DMXL2: variants seen among roughly 807,000 people sequenced by gnomAD.
DMXL2 encodes the protein Dmx like 2.
Under a neutral mutation model 331.1 loss-of-function variants are expected in DMXL2, and 103 were observed. That is an observed-to-expected ratio of 0.31 (90% CI 0.27 to 0.37). The LOEUF is 0.37. Among genes scored for constraint, DMXL2 ranks in the 10% least tolerant of loss-of-function variants. The pLI is 1.00. For synonymous variants in DMXL2, 1,281 were observed against 1,252.1 expected (o/e 1.02, Z -0.49); for missense variants, 3,171 against 3,642.9 (o/e 0.87, Z 3.33).
Position 51,448,849 on chromosome 15 carries a change from C to A in DMXL2, c.*135G>T, listed in dbSNP as rs1273745789. On this transcript the variant is annotated 3_prime_UTR_variant, in exon 44 of 44. Transcript: ENST00000560891. ...ATTCCACCAACCTGTTTAGATAATA[C>A]TCAGCTTGGGTCATATTCAAATTCT... The A allele has an allele frequency of 3.5e-6, 3 of 861,796 alleles. No individual in the cohort carries two copies. The highest frequency in any genetic ancestry group is 5.4e-6 in the Non-Finnish European group (3 of 559,058). 53.4% of individuals were successfully genotyped at this position (861,796 alleles called of 1,614,324 possible). A position where few individuals can be genotyped will look rare whatever the true frequency, so the allele number is the denominator to read the frequency against.
At chr15:51,532,479 T>C (rs2048058664) in intron 13 of DMXL2, among the ~76,000 whole-genome samples, 2 of 152,128 alleles carry the variant, frequency 1.3e-5, no homozygotes, top group East Asian at 3.8e-4. Context: ...CACAACAGGG[T>C]GACTATAGTC....
chr15:51,590,451 TG>T (rs2052208624), intron 1 of DMXL2, among the ~76,000 whole-genome samples: 1 of 152,260 alleles, frequency 6.6e-6, no homozygotes, highest in South Asian at 2.1e-4. Flanking sequence ...GAGGCTCAGC[TG>T]TACTACAACT....
At chr15:51,465,007 A>T in intron 31 of DMXL2, 131 bp from the exon 32 acceptor site, 1 of 829,174 alleles carries the variant, frequency 1.2e-6, no homozygotes, top group Non-Finnish European at 1.8e-6. Context: ...TTAATGTAAT[A>T]CAGTTTAGAT....
chr15:51,552,029 T>G (rs1438199774), intron 6 of DMXL2, among the ~76,000 whole-genome samples: 1 of 152,130 alleles, frequency 6.6e-6, no homozygotes, highest in South Asian at 2.1e-4. Flanking sequence ...TAAGGAAGTC[T>G]GGGTATTGTA....
At position 51,541,485 on chromosome 15, in the gene DMXL2, G is replaced by A. The variant is rs1444967850; in HGVS notation, c.1105+848C>T. On this transcript the variant is annotated intron_variant, in intron 9 of 43. Transcript: ENST00000560891. Reference sequence around the variant, plus strand: ...TCAATTTGGACCAGCCACATTTCAAGTGCTCAAATAGCTAATACGGGGCCA... The same window carrying A: ...TCAATTTGGACCAGCCACATTTCAAATGCTCAAATAGCTAATACGGGGCCA... Among the ~76,000 whole-genome samples, 2 of 152,036 alleles carry A rather than the reference G, an allele frequency of 1.3e-5. 1 individual carries two copies. The highest frequency in any genetic ancestry group is 1.3e-4 in the Admixed American group (2 of 15,254).
chr15:51,501,724 T>C (rs2043621964), intron 17 of DMXL2, among the ~76,000 whole-genome samples: 1 of 150,332 alleles, frequency 6.7e-6, no homozygotes, highest in African/African-American at 2.5e-5. Flanking sequence ...ATCGAGACCA[T>C]CCTGACTAAC....
Position 51,499,842 on chromosome 15 carries a change from AATC to A in DMXL2, c.3379_3381del (p.Asp1127del), listed in dbSNP as rs780729330. 2 of 1,614,140 alleles carry A rather than the reference AATC, an allele frequency of 1.2e-6. No homozygotes were observed. Among genetic ancestry groups the A allele is most frequent in the Non-Finnish European group, 1.7e-6 (2 of 1,180,022 alleles). On this transcript the variant is annotated inframe_deletion, in exon 18 of 44. Coordinates refer to ENST00000560891, the MANE Select transcript of DMXL2 (RefSeq NM_001378457.1). ...TCAAGTACACTCCCAACCTTAACCAAATCATCAAGATGAATTGTTTGTTCTAAA... is the reference window on the plus strand; with the variant it reads ...TCAAGTACACTCCCAACCTTAACCAAATCAAGATGAATTGTTTGTTCTAAA...
intron 14 of DMXL2, among the ~76,000 whole-genome samples, chr15:51,516,553 T>C (rs886364735): frequency 3.9e-5 from 6 of 152,258 alleles, no homozygotes; most frequent in Non-Finnish European, 5.9e-5. Flanking sequence ...CTCTCAGCAT[T>C]TCAAGATCAA....
intron 22 of DMXL2, among the ~76,000 whole-genome samples, chr15:51,486,916 T>C (rs1271382770): frequency 6.6e-6 from 1 of 152,140 alleles, no homozygotes; most frequent in Non-Finnish European, 1.5e-5. Flanking sequence ...TAAGTATTTG[T>C]TATTTAAAAA....
intron 1 of DMXL2, among the ~76,000 whole-genome samples, chr15:51,607,978 G>A (rs889150279): frequency 6.6e-6 from 1 of 152,136 alleles, no homozygotes; most frequent in African/African-American, 2.4e-5. Flanking sequence ...TTGAGGTCAG[G>A]AGTTCAAGAC....
Position 51,481,514 on chromosome 15 carries a change from G to A in DMXL2, c.5592C>T (p.Thr1864=). 2 of 1,613,576 alleles carry A rather than the reference G, an allele frequency of 1.2e-6. No individual in the cohort carries two copies. Among genetic ancestry groups the A allele is most frequent in the South Asian group, 1.1e-5 (1 of 91,006 alleles). ...NLASPEGTLA[T]LGLKTEKNFV... ...AGTTCTTCTCAGTTTTGAGACCTAA[G>A]GTTGCCAAAGTTCCTTCAGGGGAGG... The change falls in exon 24 of 44, where the codon ACC becomes ACT. Residue 1864 remains threonine (T), a synonymous_variant. Coordinates refer to ENST00000560891, the MANE Select transcript of DMXL2 (RefSeq NM_001378457.1).
At chr15:51,511,803 A>G (rs1033031107) in intron 15 of DMXL2, among the ~76,000 whole-genome samples, 1 of 152,244 alleles carries the variant, frequency 6.6e-6, no homozygotes, top group Non-Finnish European at 1.5e-5. Context: ...ATGCCCATCA[A>G]TGATAGACTG....
chr15:51,450,441 T>C, intron 42 of DMXL2, 95 bp from the exon 43 acceptor site: 3 of 1,148,212 alleles, frequency 2.6e-6, no homozygotes, highest in Non-Finnish European at 3.8e-6. Context: ...ACCTTACTGA[T>C]GCATTTTTCA....
At chr15:51,586,292 A>C (rs1010662566) in intron 1 of DMXL2, among the ~76,000 whole-genome samples, 10 of 152,324 alleles carry the variant, frequency 6.6e-5, no homozygotes, top group Non-Finnish European at 1.3e-4. Context: ...CAAAATTAAC[A>C]AAATTTATGC....
chr15:51,597,281 C>G (rs910220250), intron 1 of DMXL2, among the ~76,000 whole-genome samples: 7 of 152,200 alleles, frequency 4.6e-5, no homozygotes, highest in Non-Finnish European at 7.3e-5. Flanking sequence ...CCAAATTACA[C>G]TTCTCCGTCT....
At chr15:51,472,959 G>C (rs1301249755) in intron 28 of DMXL2, among the ~76,000 whole-genome samples, 1 of 148,478 alleles carries the variant, frequency 6.7e-6, no homozygotes, top group Non-Finnish European at 1.5e-5. Flanking sequence ...AAAGGAACTT[G>C]CCCCAGCTAC....
At position 51,622,742 on chromosome 15, in the gene DMXL2, C is replaced by T. The variant is rs1474929516; in HGVS notation, c.-197G>A. ...CATGGGAGCTCCTCGACCGCCGCCG[C>T]CGCCCGGGTCGCCGCTCAGCTGCGG... On this transcript the variant is annotated 5_prime_UTR_variant, in exon 1 of 44. Transcript: ENST00000560891. The T allele has an allele frequency of 2.9e-6, 3 of 1,044,418 alleles. No individual in the cohort carries two copies. The highest frequency in any genetic ancestry group is 4.0e-6 in the Non-Finnish European group (3 of 754,572). The allele number at this position is 1,044,418 out of a possible 1,614,324, so 64.7% of individuals were successfully genotyped here. A position where few individuals can be genotyped will look rare whatever the true frequency, so the allele number is the denominator to read the frequency against.
intron 6 of DMXL2, 61 bp from the exon 7 acceptor site, chr15:51,547,469 G>A: frequency 2.6e-5 from 33 of 1,251,748 alleles, no homozygotes; most frequent in South Asian, 2.1e-4. Flanking sequence ...AAATTTAAGT[G>A]GTTTGAAGAA....
intron 18 of DMXL2, among the ~76,000 whole-genome samples, chr15:51,498,229 G>A (rs1246126625): frequency 6.6e-6 from 1 of 152,070 alleles, no homozygotes; most frequent in Non-Finnish European, 1.5e-5. Flanking sequence ...AACAGAGCAA[G>A]ACCCTGTCTC....
Sources: allele counts gnomAD v4.1 joint callset (sites outside exome capture counted in the v4.1 genomes callset), GRCh38; gene constraint gnomAD v4.1.1; transcripts MANE v1.5; gene names NCBI Gene and HGNC (gene_info 2026-07-23, HGNC 2026-07-21).